The following FSTL5 variants were observed in gnomAD, a reference collection of about 807,000 sequenced individuals.
FSTL5 encodes the protein follistatin like 5, also known as follistatin-related protein 5.
Under a neutral mutation model 89.1 loss-of-function variants are expected in FSTL5, and 62 were observed. The ratio of observed to expected loss-of-function variants is 0.70; its 90% CI spans 0.57 to 0.86. The LOEUF is 0.86. Ranked by LOEUF, FSTL5 falls within the 40% of genes least tolerant of loss-of-function variation. The pLI, the probability that FSTL5 is intolerant of heterozygous loss-of-function variation, is 0.00. For synonymous variants in FSTL5, 383 were observed against 346.2 expected, an observed-to-expected ratio of 1.11 and a Z score of -1.18; for missense variants, 1,057 against 1,001.6, an observed-to-expected ratio of 1.06 and a Z score of -0.75.
chr4:161,868,011 A>ATG (rs1389292866), intron 4 of FSTL5, among the ~76,000 whole-genome samples: 1 of 152,128 alleles, frequency 6.6e-6, no homozygotes, highest in African/African-American at 2.4e-5. Context: ...CATGATACAA[A>ATG]TGTATCTACA....
intron 3 of FSTL5, among the ~76,000 whole-genome samples, chr4:161,990,963 C>A (rs1046385328): frequency 6.6e-6 from 1 of 152,038 alleles, no homozygotes; most frequent in Non-Finnish European, 1.5e-5. Flanking sequence ...CAGCTACTAG[C>A]AGGATGTTAG....
chr4:161,494,171 C>T (rs544111356), intron 12 of FSTL5, among the ~76,000 whole-genome samples: 4 of 152,100 alleles, frequency 2.6e-5, no homozygotes, highest in Admixed American at 6.6e-5. Flanking sequence ...ATTGTCACCA[C>T]AAAGGGAATA....
intron 8 of FSTL5, among the ~76,000 whole-genome samples, chr4:161,560,931 TTTA>T (rs1394645814): frequency 1.3e-5 from 2 of 151,842 alleles, no homozygotes; most frequent in South Asian, 4.1e-4. Flanking sequence ...AACATAGTCA[TTTA>T]TTATTATTAT....
Position 161,775,866 on chromosome 4 carries a change from C to T in FSTL5, c.606+12G>A. The T allele has an allele frequency of 7.3e-7, 1 of 1,364,778 alleles. No homozygotes were observed. 84.5% of individuals were successfully genotyped at this position (1,364,778 alleles called of 1,614,324 possible). A position where few individuals can be genotyped will look rare whatever the true frequency, so the allele number is the denominator to read the frequency against. Reference sequence around the variant, plus strand: ...ATTTCAGTAAGTTTGTTAATATAGTCACTAATCATACCTGAGTTAGTTCAT... The same window carrying T: ...ATTTCAGTAAGTTTGTTAATATAGTTACTAATCATACCTGAGTTAGTTCAT... On this transcript the variant is annotated intron_variant, in intron 5 of 15. Transcript: ENST00000306100.
chr4:161,697,535 A>G (rs939430019), intron 6 of FSTL5, among the ~76,000 whole-genome samples: 2 of 152,202 alleles, frequency 1.3e-5, no homozygotes, highest in East Asian at 3.9e-4. Flanking sequence ...TAACATATCA[A>G]AGAGATGTCT....
chr4:162,045,402 T>C (rs1202103642), intron 2 of FSTL5, among the ~76,000 whole-genome samples: 1 of 152,078 alleles, frequency 6.6e-6, no homozygotes, highest in Non-Finnish European at 1.5e-5. Flanking sequence ...TCCAAAACAG[T>C]AATAATTGTA....
intron 6 of FSTL5, among the ~76,000 whole-genome samples, chr4:161,701,071 G>A (rs1032633348): frequency 2.6e-5 from 4 of 151,890 alleles, no homozygotes; most frequent in African/African-American, 9.7e-5. Flanking sequence ...TATTCTTTTT[G>A]TCTCTTTAGA....
At chr4:161,705,350 A>C (rs1265863756) in intron 6 of FSTL5, among the ~76,000 whole-genome samples, 1 of 152,082 alleles carries the variant, frequency 6.6e-6, no homozygotes, top group Admixed American at 6.6e-5. Context: ...GATTTGGGAA[A>C]TATTTTTCCT....
At chr4:161,627,568 G>A (rs1435368698) in intron 7 of FSTL5, among the ~76,000 whole-genome samples, 6 of 152,084 alleles carry the variant, frequency 3.9e-5, no homozygotes, top group Non-Finnish European at 8.8e-5. Flanking sequence ...TGAAAGTCTA[G>A]AAAATGTGTT....
intron 2 of FSTL5, among the ~76,000 whole-genome samples, chr4:162,089,632 C>CAAAAAAAAAAAAAAA (rs755573032): frequency 1.2e-4 from 5 of 42,550 alleles, no homozygotes; most frequent in African/African-American, 2.4e-4. Flanking sequence ...GAATCTGTCT[C>CAAAAAAAAAAAAAAA]AAAAAAAAAA....
At chr4:161,476,267 A>G (rs1329607922) in intron 13 of FSTL5, among the ~76,000 whole-genome samples, 1 of 138,772 alleles carries the variant, frequency 7.2e-6, no homozygotes, top group Admixed American at 8.2e-5. Flanking sequence ...AGCTCACCGC[A>G]GGCTCTGCCT....
At chr4:161,447,215 G>C (rs1356947882) in intron 15 of FSTL5, among the ~76,000 whole-genome samples, 3 of 152,080 alleles carry the variant, frequency 2.0e-5, no homozygotes, top group African/African-American at 7.2e-5. Flanking sequence ...ATTTGTTGTA[G>C]AATGAGTCTG....
At chr4:162,118,268 CTTT>C (rs10706391) in intron 1 of FSTL5, among the ~76,000 whole-genome samples, 1 of 148,214 alleles carries the variant, frequency 6.7e-6, no homozygotes. Context: ...TCCAAAGAGT[CTTT>C]TTTTTTTTTG....
intron 2 of FSTL5, among the ~76,000 whole-genome samples, chr4:162,100,705 A>T (rs1730961943): frequency 6.6e-6 from 1 of 152,168 alleles, no homozygotes; most frequent in Non-Finnish European, 1.5e-5. Context: ...TTTATTGACT[A>T]TAAATGTACC....
rs1553983463 is a variant in FSTL5, at chr4:161,929,683, G to GTGTGTGTA, written c.161-9032_161-9031insTACACACA. 2.3e-4 allele frequency among the ~76,000 whole-genome samples: 23 copies of GTGTGTGTA among 98,258 alleles called. No homozygotes were observed. In the South Asian group the frequency reaches 2.7e-3, roughly 12 times the overall value. The allele number at this position is 98,258 out of a possible 152,430, so 64.5% of individuals were successfully genotyped here. On this transcript the variant is annotated intron_variant, in intron 3 of 15. Coordinates refer to ENST00000306100, the MANE Select transcript of FSTL5 (RefSeq NM_020116.5). ...CACGTGTGTGTGTGTGTGTGTGTGT[G>GTGTGTGTA]TGTGTGTGTGTGTGTGTGTACATAG...
intron 2 of FSTL5, among the ~76,000 whole-genome samples, chr4:162,092,331 T>G (rs1417678232): frequency 6.6e-6 from 1 of 152,206 alleles, no homozygotes; most frequent in Non-Finnish European, 1.5e-5. Context: ...CGAAATATTC[T>G]TAAATCATTA....
At chr4:161,876,864 A>G (rs2126906162) in intron 4 of FSTL5, among the ~76,000 whole-genome samples, 1 of 152,280 alleles carries the variant, frequency 6.6e-6, no homozygotes, top group East Asian at 1.9e-4. Context: ...AATCATATGT[A>G]ATATTGTATT....
At chr4:161,863,832 C>T (rs746183978) in intron 4 of FSTL5, among the ~76,000 whole-genome samples, 33 of 152,144 alleles carry the variant, frequency 2.2e-4, no homozygotes, top group Non-Finnish European at 4.1e-4. Context: ...ACTTCAGCAC[C>T]GCTGGGAGGG....
chr4:161,895,782 C>T lies in FSTL5; in HGVS notation c.409+24622G>A, dbSNP rs148942111. On this transcript the variant is annotated intron_variant, in intron 4 of 15. Coordinates refer to ENST00000306100, the MANE Select transcript of FSTL5 (RefSeq NM_020116.5). ...TAGGATTGTTTTTTGCATATCACAA[C>T]GTATTTTTGCATGTGTTAGTGAGTG... Among the ~76,000 whole-genome samples, 22 of 152,182 alleles carry T rather than the reference C, an allele frequency of 1.4e-4. No individual in the cohort carries two copies. In the East Asian group the frequency reaches 3.3e-3, roughly 23 times the overall value.
Sources: allele counts gnomAD v4.1 joint callset (sites outside exome capture counted in the v4.1 genomes callset), GRCh38; gene constraint gnomAD v4.1.1; transcripts MANE v1.5; gene names NCBI Gene and HGNC (gene_info 2026-07-23, HGNC 2026-07-21).